The following CNTN5 variants were observed in gnomAD, a reference collection of about 807,000 sequenced individuals.
CNTN5 encodes contactin-5.
CNTN5 carries 77 observed loss-of-function variants against 129.1 expected under a neutral mutation model. The observed-to-expected ratio is 0.60, with a 90% CI of 0.50 to 0.72. The LOEUF (loss-of-function observed/expected upper bound fraction) is 0.72. Among genes scored for constraint, CNTN5 ranks in the 30% least tolerant of loss-of-function variants. The pLI is 0.00. For synonymous variants in CNTN5, 509 were observed against 465.6 expected (o/e 1.09, Z -1.20); for missense variants, 1,478 against 1,328.8 (o/e 1.11, Z -1.75).
intron 3 of CNTN5, among the ~76,000 whole-genome samples, chr11:99,666,573 A>G (rs2135933447): frequency 6.6e-6 from 1 of 152,306 alleles, no homozygotes; most frequent in Admixed American, 6.5e-5. Context: ...TGCTACCACA[A>G]TAGCACAGAG....
At chr11:99,171,067 T>A (rs909145216) in intron 1 of CNTN5, among the ~76,000 whole-genome samples, 2 of 152,052 alleles carry the variant, frequency 1.3e-5, no homozygotes, top group Non-Finnish European at 2.9e-5. Context: ...ATATATTAGT[T>A]TTTTTTTCTT....
chr11:100,204,214 C>T lies in CNTN5; in HGVS notation c.1884+10551C>T, dbSNP rs569906896. Among the ~76,000 whole-genome samples, 18 of 143,046 alleles carry T rather than the reference C, an allele frequency of 1.3e-4. No individual in the cohort carries two copies. In the South Asian group the frequency reaches 4.1e-3, roughly 32 times the overall value. 93.8% of individuals were successfully genotyped at this position (143,046 alleles called of 152,430 possible). ...TAAAGACCAAATAAATATTTGTAGT[C>T]ATTAAAGGAATCAGTAGACATAGGA... On this transcript the variant is annotated intron_variant, in intron 15 of 24. Transcript: ENST00000524871.
intron 2 of CNTN5, among the ~76,000 whole-genome samples, chr11:99,398,293 T>C (rs543859351): frequency 1.3e-5 from 2 of 152,084 alleles, no homozygotes; most frequent in East Asian, 1.9e-4. Flanking sequence ...TTCTCACCTC[T>C]TTTCCTGAAT....
At chr11:99,773,229 TA>T (rs1326288867) in intron 3 of CNTN5, among the ~76,000 whole-genome samples, 1 of 152,090 alleles carries the variant, frequency 6.6e-6, no homozygotes, top group Non-Finnish European at 1.5e-5. Context: ...ATAACAAGGT[TA>T]AAAGATGTTG....
At chr11:100,024,365 A>G (rs936182666) in intron 9 of CNTN5, among the ~76,000 whole-genome samples, 1 of 152,162 alleles carries the variant, frequency 6.6e-6, no homozygotes, top group Non-Finnish European at 1.5e-5. Context: ...TCTTTCCTTT[A>G]TAAATTACCC....
intron 3 of CNTN5, among the ~76,000 whole-genome samples, chr11:99,593,798 C>A (rs1950047290): frequency 6.6e-6 from 1 of 152,154 alleles, no homozygotes; most frequent in Admixed American, 6.5e-5. Context: ...GTAACTTCTG[C>A]CAGATTCCCA....
chr11:100,259,855 A>G (rs566991803), intron 17 of CNTN5, among the ~76,000 whole-genome samples: 1 of 152,296 alleles, frequency 6.6e-6, no homozygotes, highest in East Asian at 1.9e-4. Flanking sequence ...AAAGATCTAA[A>G]TTCAACACCA....
At chr11:100,069,804 G>T (rs35457139) in intron 10 of CNTN5, among the ~76,000 whole-genome samples, 1 of 151,918 alleles carries the variant, frequency 6.6e-6, no homozygotes, top group Non-Finnish European at 1.5e-5. Flanking sequence ...TTAAAAATTG[G>T]CCAATAGTGG....
Position 99,656,190 on chromosome 11 carries a change from T to C in CNTN5, c.55+99921T>C, listed in dbSNP as rs142595133. Among the ~76,000 whole-genome samples the C allele has an allele frequency of 8.4e-3, 1,271 of 152,150 alleles. 5 individuals are homozygous for C. The highest frequency in any genetic ancestry group is 0.013 in the Non-Finnish European group (893 of 67,988). On this transcript the variant is annotated intron_variant, in intron 3 of 24. Transcript: ENST00000524871. ...GTCTTTACATCCTACCTCTTTAACCTCTTCATTTAAAAATGAATTGTAAGG... is the reference window on the plus strand; with the variant it reads ...GTCTTTACATCCTACCTCTTTAACCCCTTCATTTAAAAATGAATTGTAAGG...
intron 15 of CNTN5, among the ~76,000 whole-genome samples, chr11:100,198,171 G>A (rs1488716483): frequency 6.6e-6 from 1 of 151,822 alleles, no homozygotes; most frequent in Non-Finnish European, 1.5e-5. Context: ...AAAAATAAAA[G>A]GAAGGTTTGA....
At chr11:99,818,283 G>T (rs368531757) in intron 3 of CNTN5, among the ~76,000 whole-genome samples, 6 of 151,232 alleles carry the variant, frequency 4.0e-5, no homozygotes, top group South Asian at 2.1e-4. Context: ...TTGAGACAGG[G>T]TCTTGCCCTG....
At chr11:99,383,627 C>A (rs1940741257) in intron 2 of CNTN5, among the ~76,000 whole-genome samples, 1 of 151,320 alleles carries the variant, frequency 6.6e-6, no homozygotes. Context: ...ATTAAACTCA[C>A]ATAACTATAG....
At chr11:99,787,689 G>A (rs1359473846) in intron 3 of CNTN5, among the ~76,000 whole-genome samples, 1 of 151,920 alleles carries the variant, frequency 6.6e-6, no homozygotes, top group African/African-American at 2.4e-5. Flanking sequence ...CCAGATATGA[G>A]TCAAGATGAC....
chr11:100,148,297 A>G (rs921386823), intron 13 of CNTN5, among the ~76,000 whole-genome samples: 2 of 152,178 alleles, frequency 1.3e-5, no homozygotes, highest in South Asian at 2.1e-4. Flanking sequence ...ATCAGTATCT[A>G]TACATGGAGA....
chr11:99,528,109 AATTCAGGAGAACT>A (rs1353059116), intron 2 of CNTN5, among the ~76,000 whole-genome samples: 2 of 152,190 alleles, frequency 1.3e-5, no homozygotes, highest in Non-Finnish European at 2.9e-5. Context: ...TAAAACACTA[AATTCAGGAGAACT>A]ATCCTAACCT....
At chr11:99,170,212 T>C (rs1861079460) in intron 1 of CNTN5, among the ~76,000 whole-genome samples, 1 of 152,168 alleles carries the variant, frequency 6.6e-6, no homozygotes, top group South Asian at 2.1e-4. Context: ...TCTAAGTGTT[T>C]CAGTAACTCA....
intron 9 of CNTN5, among the ~76,000 whole-genome samples, chr11:100,060,971 G>T (rs991082576): frequency 1.2e-5 from 1 of 81,496 alleles, no homozygotes; most frequent in East Asian, 5.3e-4. Context: ...ATCATAATTG[G>T]TTACAACTTA....
chr11:100,020,659 A>G (rs532000977), intron 9 of CNTN5, among the ~76,000 whole-genome samples: 1 of 152,232 alleles, frequency 6.6e-6, no homozygotes, highest in South Asian at 2.1e-4. Context: ...AGATGACATA[A>G]TCTTATATGC....
chr11:99,981,128 GAGAATTGATTAGGGAAATT>G (rs1938324532), intron 8 of CNTN5, among the ~76,000 whole-genome samples: 1 of 90,774 alleles, frequency 1.1e-5, no homozygotes, highest in East Asian at 4.4e-4. Flanking sequence ...ATATATGAAA[GAGAATTGATTAGGGAAATT>G]GATTCATGTG....
Sources: gnomAD v4.1 joint callset for allele counts (sites outside exome capture counted in the v4.1 genomes callset) on GRCh38, gnomAD v4.1.1 for gene constraint, MANE v1.5 for transcripts, NCBI Gene and HGNC (gene_info 2026-07-23, HGNC 2026-07-21) for gene names.